The following AFF3 variants were observed in gnomAD, a reference collection of about 807,000 sequenced individuals.
The protein encoded by AFF3 is AF4/FMR2 family member 3.
Under a neutral mutation model 129.7 loss-of-function variants are expected in AFF3, and 32 were observed. The observed-to-expected ratio is 0.25, with a 90% CI of 0.19 to 0.33. AFF3 has a LOEUF of 0.33. AFF3 is among the 10% of genes least tolerant of loss of function. The pLI, the probability that AFF3 is intolerant of heterozygous loss-of-function variation, is 1.00. For synonymous variants in AFF3, 644 were observed against 635.4 expected (o/e 1.01, Z -0.20); for missense variants, 1,373 against 1,592.0 (o/e 0.86, Z 2.34).
intron 4 of AFF3, among the ~76,000 whole-genome samples, chr2:100,071,985 A>T (rs914340320): frequency 5.3e-5 from 8 of 152,212 alleles, no homozygotes; most frequent in African/African-American, 1.4e-4. Flanking sequence ...CTAAATACAA[A>T]CAATGAAAGC....
At chr2:99,646,051 G>A (rs1336059300) in intron 13 of AFF3, among the ~76,000 whole-genome samples, 1 of 152,102 alleles carries the variant, frequency 6.6e-6, no homozygotes, top group Middle Eastern at 3.2e-3. Flanking sequence ...CTTTGAAGTT[G>A]GGCTTCCTTA....
chr2:99,754,981 T>C (rs1284700083), intron 8 of AFF3, among the ~76,000 whole-genome samples: 1 of 152,196 alleles, frequency 6.6e-6, no homozygotes. Flanking sequence ...GCTATGCTTG[T>C]AATCAATCTT....
intron 8 of AFF3, among the ~76,000 whole-genome samples, chr2:99,808,078 T>C (rs1462664365): frequency 6.6e-6 from 1 of 152,182 alleles, no homozygotes; most frequent in Non-Finnish European, 1.5e-5. Flanking sequence ...AGCTACGTCT[T>C]AGAACGAGGC....
At chr2:99,723,147 T>C (rs951235801) in intron 11 of AFF3, among the ~76,000 whole-genome samples, 2 of 152,208 alleles carry the variant, frequency 1.3e-5, no homozygotes, top group Admixed American at 6.5e-5. Context: ...CATTTTAATT[T>C]GTGCTTTTGT....
chr2:99,807,444 C>T (rs1265140061), intron 8 of AFF3, among the ~76,000 whole-genome samples: 2 of 152,122 alleles, frequency 1.3e-5, no homozygotes, highest in African/African-American at 2.4e-5. Flanking sequence ...CCCTAATTGA[C>T]CATTTGGCTT....
intron 7 of AFF3, among the ~76,000 whole-genome samples, chr2:99,951,872 C>G (rs1391176117): frequency 6.6e-6 from 1 of 152,220 alleles, no homozygotes; most frequent in African/African-American, 2.4e-5. Flanking sequence ...CCTCAAACTC[C>G]TGACCTCAGG....
At chr2:99,952,554 T>G (rs916303741) in intron 7 of AFF3, among the ~76,000 whole-genome samples, 1 of 152,188 alleles carries the variant, frequency 6.6e-6, no homozygotes, top group African/African-American at 2.4e-5. Context: ...GACTCGCTTT[T>G]CTTCCTTCCA....
At chr2:99,775,294 T>C (rs1481463717) in intron 8 of AFF3, among the ~76,000 whole-genome samples, 1 of 152,186 alleles carries the variant, frequency 6.6e-6, no homozygotes, top group African/African-American at 2.4e-5. Context: ...AGAAAAGACA[T>C]GGGATCAACC....
intron 7 of AFF3, among the ~76,000 whole-genome samples, chr2:99,946,473 T>TAAAAAAAAAAAAAAAAAAAAAAA (rs55672296): frequency 2.0e-5 from 1 of 50,502 alleles, no homozygotes. Context: ...GACGCCATCT[T>TAAAAAAAAAAAAAAAAAAAAAAA]AAAAAAAAAA....
At chr2:99,718,498 C>A (rs1414815371) in intron 11 of AFF3, among the ~76,000 whole-genome samples, 2 of 151,922 alleles carry the variant, frequency 1.3e-5, no homozygotes, top group Non-Finnish European at 2.9e-5. Context: ...GGTTATTGAC[C>A]TTTATAAGTT....
chr2:100,006,620 A>G lies in AFF3; in HGVS notation c.873+12T>C. The G allele has an allele frequency of 1.9e-6, 3 of 1,599,386 alleles. No individual in the cohort carries two copies. Among genetic ancestry groups the G allele is most frequent in the Non-Finnish European group, 2.6e-6 (3 of 1,169,628 alleles). On this transcript the variant is annotated intron_variant, in intron 7 of 24. Coordinates refer to ENST00000672756, the MANE Select transcript of AFF3 (RefSeq NM_001386135.1). ...ATGCAGTTGCATGTGAACGGTGCTG[A>G]TAAAGACTCACCTCCCCCTGCTTGG...
At chr2:99,784,723 C>T (rs1007514100) in intron 8 of AFF3, among the ~76,000 whole-genome samples, 3 of 152,214 alleles carry the variant, frequency 2.0e-5, no homozygotes, top group Admixed American at 6.5e-5. Flanking sequence ...TGTGGACTTA[C>T]TTTCTCTTAG....
intron 13 of AFF3, among the ~76,000 whole-genome samples, chr2:99,628,391 T>G (rs1682797433): frequency 6.6e-6 from 1 of 152,112 alleles, no homozygotes; most frequent in African/African-American, 2.4e-5. Flanking sequence ...ATACTAGTGA[T>G]TTTTGCATGT....
At chr2:99,552,894 C>G (rs1483870212) in intron 24 of AFF3, among the ~76,000 whole-genome samples, 1 of 152,158 alleles carries the variant, frequency 6.6e-6, no homozygotes, top group Non-Finnish European at 1.5e-5. Flanking sequence ...TGACACCCAC[C>G]CCACCTATTT....
chr2:100,086,655 T>TA lies in AFF3; in HGVS notation c.53+17746dup, dbSNP rs1244037624. Among the ~76,000 whole-genome samples, 5 of 152,344 alleles carry TA rather than the reference T, an allele frequency of 3.3e-5. No individual in the cohort carries two copies. In the East Asian group the frequency reaches 9.6e-4, roughly 29 times the overall value. The stretch of plus-strand genomic sequence containing the variant: ...AACAATTCAAGTCCAGGAAGTATAT[T>TA]AAATGGGCTTGAATCTATTACCAAG... On this transcript the variant is annotated intron_variant, in intron 4 of 24. Transcript: ENST00000672756.
intron 7 of AFF3, among the ~76,000 whole-genome samples, chr2:99,878,010 A>T (rs1023640965): frequency 9.2e-5 from 14 of 152,222 alleles, no homozygotes; most frequent in African/African-American, 3.1e-4. Flanking sequence ...CCAGTTCCAC[A>T]GACATGATAC....
intron 8 of AFF3, among the ~76,000 whole-genome samples, chr2:99,768,541 T>C (rs1226690415): frequency 6.6e-6 from 1 of 152,256 alleles, no homozygotes; most frequent in African/African-American, 2.4e-5. Flanking sequence ...CACACCATAG[T>C]TACAGTGTTG....
chr2:99,823,550 T>A (rs1687846280), intron 8 of AFF3, among the ~76,000 whole-genome samples: 1 of 152,348 alleles, frequency 6.6e-6, no homozygotes, highest in South Asian at 2.1e-4. Flanking sequence ...TTTAAATTAA[T>A]ACATTATAAG....
At chr2:99,732,044 T>G (rs1679873562) in intron 10 of AFF3, among the ~76,000 whole-genome samples, 1 of 152,154 alleles carries the variant, frequency 6.6e-6, no homozygotes. Flanking sequence ...CTTCCCACCC[T>G]TCCCACCAGC....
Sources: allele counts gnomAD v4.1 joint callset (sites outside exome capture counted in the v4.1 genomes callset), GRCh38; gene constraint gnomAD v4.1.1; transcripts MANE v1.5; gene names NCBI Gene and HGNC (gene_info 2026-07-23, HGNC 2026-07-21).